BBS9: variants seen among roughly 807,000 people sequenced by gnomAD.
The protein encoded by BBS9 is Bardet-Biedl syndrome 9, also known as protein PTHB1.
BBS9 carries 89 observed loss-of-function variants against 117.7 expected under a neutral mutation model. That is an observed-to-expected ratio of 0.76 (90% CI 0.64 to 0.90). BBS9 has a LOEUF of 0.90. Among genes scored for constraint, BBS9 ranks in the 40% least tolerant of loss-of-function variants. The probability of loss-of-function intolerance (pLI) is 0.00; values close to 1 mark genes in which losing one functional copy is unlikely to be tolerated. For synonymous variants in BBS9, 379 were observed against 370.9 expected, an observed-to-expected ratio of 1.02 and a Z score of -0.25; for missense variants, 982 against 1,042.2, an observed-to-expected ratio of 0.94 and a Z score of 0.80.
intron 19 of BBS9, among the ~76,000 whole-genome samples, chr7:33,473,336 C>T (rs55912151): frequency 0.15 from 22,357 of 147,068 alleles, 1,671 homozygotes; most frequent in South Asian, 0.25. Context: ...CTCACCCCCC[C>T]GCCCCGAGGC....
At chr7:33,397,404 G>A (rs1372639095) in intron 19 of BBS9, among the ~76,000 whole-genome samples, 1 of 152,196 alleles carries the variant, frequency 6.6e-6, no homozygotes, top group African/African-American at 2.4e-5. Flanking sequence ...GTGGAAGACA[G>A]TGTGGTGATT....
chr7:33,487,281 G>A (rs755006459), intron 19 of BBS9, among the ~76,000 whole-genome samples: 13 of 152,136 alleles, frequency 8.5e-5, no homozygotes, highest in Non-Finnish European at 1.6e-4. Flanking sequence ...ATAAGCTACT[G>A]GTTTTTATAC....
chr7:33,446,338 G>C (rs1333474076), intron 19 of BBS9, among the ~76,000 whole-genome samples: 1 of 152,056 alleles, frequency 6.6e-6, no homozygotes, highest in Non-Finnish European at 1.5e-5. Context: ...TTGCCATTTG[G>C]TTAATATCTT....
At chr7:33,628,637 G>T (rs930382553) in intron 21 of BBS9, among the ~76,000 whole-genome samples, 21 of 152,214 alleles carry the variant, frequency 1.4e-4, no homozygotes, top group Non-Finnish European at 2.5e-4. Context: ...AGGAAAGAAT[G>T]TATCTGCTCT....
chr7:33,163,816 G>T (rs1468327050), intron 4 of BBS9, among the ~76,000 whole-genome samples: 1 of 151,990 alleles, frequency 6.6e-6, no homozygotes, highest in Non-Finnish European at 1.5e-5. Flanking sequence ...AGGGTTTTTT[G>T]TGTCTCTATT....
intron 19 of BBS9, among the ~76,000 whole-genome samples, chr7:33,465,215 G>A (rs1364920010): frequency 6.7e-6 from 1 of 149,550 alleles, no homozygotes; most frequent in Admixed American, 6.7e-5. Flanking sequence ...CTTTTTTGGT[G>A]CTAGAAAGCT....
chr7:33,432,410 A>AT (rs201895868), intron 19 of BBS9, among the ~76,000 whole-genome samples: 2,759 of 151,150 alleles, frequency 0.018, 84 homozygotes, highest in African/African-American at 0.064. Flanking sequence ...CGCCCAGCTG[A>AT]TTTTTTTTCT....
In BBS9 at chr7:33,294,644, T is replaced by G. The variant is rs149450852; in HGVS notation, c.1016+20688T>G. ...ATCTTAGAGTAATGTTCTTACTAAA[T>G]AAATCACATTTAGAAGCTTTTATGC... is the stretch of plus-strand genomic sequence containing the variant. On this transcript the variant is annotated intron_variant, in intron 9 of 22. Transcript: ENST00000242067. Among the ~76,000 whole-genome samples, 95 of 152,338 alleles carry G rather than the reference T, an allele frequency of 6.2e-4. 1 individual carries two copies. The highest frequency in any genetic ancestry group is 3.1e-3 in the South Asian group (15 of 4,828).
chr7:33,378,102 G>T (rs556167076), intron 17 of BBS9, among the ~76,000 whole-genome samples: 1 of 152,076 alleles, frequency 6.6e-6, no homozygotes, highest in Non-Finnish European at 1.5e-5. Flanking sequence ...ATCCACTGAC[G>T]TCACCTTCTC....
At chr7:33,421,126 A>G (rs900773345) in intron 19 of BBS9, among the ~76,000 whole-genome samples, 1 of 152,114 alleles carries the variant, frequency 6.6e-6, no homozygotes, top group Non-Finnish European at 1.5e-5. Flanking sequence ...GGTTTAAGTC[A>G]TTTGGCTATT....
chr7:33,207,909 G>A (rs1402109792), intron 5 of BBS9, among the ~76,000 whole-genome samples: 2 of 152,020 alleles, frequency 1.3e-5, no homozygotes, highest in African/African-American at 2.4e-5. Context: ...CTGGGTTCAA[G>A]CGATTCTCCT....
intron 21 of BBS9, among the ~76,000 whole-genome samples, chr7:33,572,142 T>C (rs1488018834): frequency 6.6e-6 from 1 of 152,068 alleles, no homozygotes; most frequent in African/African-American, 2.4e-5. Context: ...CTTATTTCCA[T>C]GAGGTCAATA....
intron 19 of BBS9, among the ~76,000 whole-genome samples, chr7:33,432,382 T>C (rs1584804886): frequency 6.6e-6 from 1 of 151,922 alleles, no homozygotes; most frequent in South Asian, 2.1e-4. Flanking sequence ...GTGCTGGGAT[T>C]ACAGGCATGA....
intron 21 of BBS9, among the ~76,000 whole-genome samples, chr7:33,537,919 C>T (rs1260551158): frequency 6.6e-6 from 1 of 152,196 alleles, no homozygotes; most frequent in Admixed American, 6.5e-5. Context: ...GCTTTTGTCA[C>T]CTCTATGCTT....
intron 5 of BBS9, 90 bp downstream of exon 5, chr7:33,177,681 C>A (rs1797530486): frequency 6.3e-6 from 6 of 959,518 alleles, no homozygotes; most frequent in Non-Finnish European, 1.0e-5. Flanking sequence ...TGGTTTGACT[C>A]TCAGAAAGAG....
chr7:33,261,890 A>G (rs1193055203), intron 6 of BBS9, among the ~76,000 whole-genome samples: 2 of 152,230 alleles, frequency 1.3e-5, no homozygotes, highest in African/African-American at 4.8e-5. Flanking sequence ...GGCCCTGATT[A>G]TTCTTTCAGC....
intron 21 of BBS9, among the ~76,000 whole-genome samples, chr7:33,587,397 G>T (rs1861091717): frequency 1.3e-5 from 2 of 151,982 alleles, no homozygotes; most frequent in African/African-American, 4.8e-5. Flanking sequence ...TCTTCTGCCT[G>T]ATGTTTTCTG....
intron 5 of BBS9, among the ~76,000 whole-genome samples, chr7:33,213,298 T>G (rs1788385903): frequency 6.6e-6 from 1 of 152,216 alleles, no homozygotes; most frequent in Non-Finnish European, 1.5e-5. Flanking sequence ...GGCAGGCCAC[T>G]GACCATGTTC....
intron 21 of BBS9, among the ~76,000 whole-genome samples, chr7:33,620,653 G>A (rs1327621540): frequency 4.6e-5 from 7 of 152,052 alleles, no homozygotes; most frequent in South Asian, 2.1e-4. Flanking sequence ...TTGTTAAAAT[G>A]TCCATACTCT....
Sources: allele counts gnomAD v4.1 joint callset (sites outside exome capture counted in the v4.1 genomes callset), GRCh38; gene constraint gnomAD v4.1.1; transcripts MANE v1.5; gene names NCBI Gene and HGNC (gene_info 2026-07-23, HGNC 2026-07-21).